The following RAI14 variants were observed in gnomAD, a reference collection of about 807,000 sequenced individuals.
RAI14 encodes the protein ankycorbin.
A neutral mutation model predicts 115.4 loss-of-function variants in RAI14; 45 were observed. That is an observed-to-expected ratio of 0.39 (90% confidence interval 0.31 to 0.50). The LOEUF is 0.50. Ranked by LOEUF, RAI14 falls within the 20% of genes least tolerant of loss-of-function variation. The pLI, the probability that RAI14 is intolerant of heterozygous loss-of-function variation, is 0.85. For missense variants in RAI14, 939 were observed against 1,131.2 expected, an observed-to-expected ratio of 0.83 and a Z score of 2.44; for synonymous variants, 371 against 415.4, an observed-to-expected ratio of 0.89 and a Z score of 1.30.
intron 2 of RAI14, among the ~76,000 whole-genome samples, chr5:34,698,621 A>G (rs1473645543): frequency 1.3e-5 from 2 of 152,126 alleles, no homozygotes; most frequent in Non-Finnish European, 2.9e-5. Context: ...AGAGGAAACC[A>G]GTACTAATGA....
chr5:34,787,643 G>A (rs1312813764), intron 3 of RAI14, among the ~76,000 whole-genome samples: 1 of 152,050 alleles, frequency 6.6e-6, no homozygotes, highest in African/African-American at 2.4e-5. Context: ...TGAGGAGGAG[G>A]TGACGAAAAT....
intron 2 of RAI14, among the ~76,000 whole-genome samples, chr5:34,717,516 G>T (rs1006586158): frequency 6.6e-6 from 1 of 152,190 alleles, no homozygotes; most frequent in African/African-American, 2.4e-5. Flanking sequence ...AATCCTTGTG[G>T]AATGCAGTGA....
intron 3 of RAI14, among the ~76,000 whole-genome samples, chr5:34,785,227 T>C (rs1752155545): frequency 6.6e-6 from 1 of 152,208 alleles, no homozygotes; most frequent in South Asian, 2.1e-4. Flanking sequence ...GTATAGGTTC[T>C]GGAGGCTTAA....
rs200077902 is a variant in RAI14 at position 34,789,726 on chromosome 5, A to G, written c.168-6213A>G. Reference sequence around the variant, plus strand: ...CTCTGTGCCATGCTTTGTGTTGGTGAGGATACAATAATTGGTGGCATGTTT... The same window carrying G: ...CTCTGTGCCATGCTTTGTGTTGGTGGGGATACAATAATTGGTGGCATGTTT... On this transcript the variant is annotated intron_variant, in intron 3 of 17. Transcript: ENST00000265109. Among the ~76,000 whole-genome samples the G allele has an allele frequency of 1.2e-4, 19 of 152,332 alleles. 1 individual carries two copies. In the South Asian group the frequency reaches 1.5e-3, roughly 12 times the overall value.
intron 12 of RAI14, among the ~76,000 whole-genome samples, chr5:34,817,079 C>T (rs1032218894): frequency 6.6e-6 from 1 of 151,648 alleles, no homozygotes; most frequent in African/African-American, 2.4e-5. Flanking sequence ...AGATCGAGAC[C>T]GTCCTGGCTA....
chr5:34,689,805 GA>G (rs1388004262), intron 2 of RAI14, among the ~76,000 whole-genome samples: 2 of 152,198 alleles, frequency 1.3e-5, no homozygotes, highest in East Asian at 3.9e-4. Context: ...CCAGAAGGCG[GA>G]GGTTGTGGTG....
intron 2 of RAI14, among the ~76,000 whole-genome samples, chr5:34,752,727 GTGTGTGTGTGTGTGTGTGTGTGTATA>G (rs1747232348): frequency 1.2e-5 from 1 of 86,718 alleles, no homozygotes; most frequent in Non-Finnish European, 2.5e-5. Flanking sequence ...GTGTGTGTGT[GTGTGTGTGTGTGTGTGTGTGTGTATA>G]TATATATATA....
intron 3 of RAI14, among the ~76,000 whole-genome samples, chr5:34,777,529 C>T (rs892232358): frequency 6.6e-6 from 1 of 152,074 alleles, no homozygotes. Context: ...CCTGTAATCC[C>T]AACACTTTGG....
chr5:34,820,960 G>A (rs1554012084), intron 13 of RAI14, among the ~76,000 whole-genome samples: 1 of 152,204 alleles, frequency 6.6e-6, no homozygotes, highest in Non-Finnish European at 1.5e-5. Flanking sequence ...TCTAGGCAGA[G>A]AGATTCTGCA....
Position 34,771,963 on chromosome 5 carries a change from C to T in RAI14, c.167+14365C>T, listed in dbSNP as rs115251372. ...TTGCCCACGTTGGAGTGCAGTGGCACGATCATAGCTCACTGCAGCCTCAAC... is the reference window on the plus strand; with the variant it reads ...TTGCCCACGTTGGAGTGCAGTGGCATGATCATAGCTCACTGCAGCCTCAAC... On this transcript the variant is annotated intron_variant, in intron 3 of 17. Transcript: ENST00000265109. Among the ~76,000 whole-genome samples the T allele has an allele frequency of 8.9e-3, 1,352 of 152,230 alleles. 17 individuals carry two copies. The highest frequency in any genetic ancestry group is 0.017 in the Middle Eastern group (5 of 294).
chr5:34,660,970 A>G (rs1477034259), intron 1 of RAI14, among the ~76,000 whole-genome samples: 1 of 151,824 alleles, frequency 6.6e-6, no homozygotes, highest in Non-Finnish European at 1.5e-5. Flanking sequence ...ATGTTGAGAC[A>G]CCTCCTTCCA....
chr5:34,677,742 G>A (rs1352576226), intron 1 of RAI14, among the ~76,000 whole-genome samples: 1 of 152,110 alleles, frequency 6.6e-6, no homozygotes, highest in Non-Finnish European at 1.5e-5. Flanking sequence ...CCCAGCCTCT[G>A]ACTTTTCTGA....
intron 12 of RAI14, among the ~76,000 whole-genome samples, chr5:34,815,922 A>G (rs1756175094): frequency 6.6e-6 from 1 of 152,222 alleles, no homozygotes; most frequent in Admixed American, 6.5e-5. Context: ...TTATTTGTCA[A>G]CTAAAAAATA....
chr5:34,759,917 C>T lies in RAI14; in HGVS notation c.167+2319C>T, dbSNP rs559386582. 8.5e-5 allele frequency among the ~76,000 whole-genome samples: 13 copies of T among 152,262 alleles called. No individual in the cohort carries two copies. The South Asian group carries it at 2.5e-3, about 29-fold the overall frequency. On this transcript the variant is annotated intron_variant, in intron 3 of 17. Coordinates refer to ENST00000265109, the MANE Select transcript of RAI14 (RefSeq NM_015577.3). ...CACAGCACCCAGCCCACAGTGAGCG[C>T]TTGATAAAGCCAGTCACCTACCCTG...
rs144061931 is a variant in RAI14, at chr5:34,747,843, G to A, written c.37-9625G>A. On this transcript the variant is annotated intron_variant, in intron 2 of 17. Transcript: ENST00000265109. ...AGTGGGCAGTGGGCAAGGGGCATGG[G>A]GCTTAGTGGTGAACGAGACAGATGC... Among the ~76,000 whole-genome samples the A allele has an allele frequency of 6.3e-3, 963 of 152,362 alleles. 5 individuals carry two copies. Among genetic ancestry groups the A allele is most frequent in the African/African-American group, 0.022 (910 of 41,574 alleles).
chr5:34,730,504 C>T (rs934979179), intron 2 of RAI14, among the ~76,000 whole-genome samples: 9 of 151,930 alleles, frequency 5.9e-5, no homozygotes, highest in Admixed American at 2.0e-4. Flanking sequence ...GGCGAAACCC[C>T]GTCTCTACTA....
intron 3 of RAI14, among the ~76,000 whole-genome samples, chr5:34,762,959 GTGTGTGTGTGTGTGTGTA>G (rs1190517101): frequency 2.3e-4 from 34 of 150,686 alleles, no homozygotes; most frequent in African/African-American, 8.1e-4. Flanking sequence ...GTGTGTGTGT[GTGTGTGTGTGTGTGTGTA>G]TGTGTCTGTA....
chr5:34,731,368 A>C (rs945890041), intron 2 of RAI14, among the ~76,000 whole-genome samples: 4 of 152,218 alleles, frequency 2.6e-5, no homozygotes, highest in African/African-American at 9.6e-5. Context: ...ACAAAGTAAT[A>C]TTAGGGATTT....
Position 34,758,636 on chromosome 5 carries a change from T to C in RAI14, c.167+1038T>C, listed in dbSNP as rs372516545. ...GTTACCGAGGCTAGACTTGAACTCCTGGGCCCAAGCAATCCTTCTGCCTCA... is the reference window on the plus strand; with the variant it reads ...GTTACCGAGGCTAGACTTGAACTCCCGGGCCCAAGCAATCCTTCTGCCTCA... On this transcript the variant is annotated intron_variant, in intron 3 of 17. Transcript: ENST00000265109. 6.6e-5 allele frequency among the ~76,000 whole-genome samples: 10 copies of C among 152,186 alleles called. No individual in the cohort carries two copies. The East Asian group carries it at 7.7e-4, about 12-fold the overall frequency.
Sources: gnomAD v4.1 joint callset for allele counts (sites outside exome capture counted in the v4.1 genomes callset) on GRCh38, gnomAD v4.1.1 for gene constraint, MANE v1.5 for transcripts, NCBI Gene and HGNC (gene_info 2026-07-23, HGNC 2026-07-21) for gene names.